Variants in CNIH3 observed in about 807,000 individuals in gnomAD.
CNIH3 encodes the protein cornichon family AMPA receptor auxiliary protein 3, also known as protein cornichon homolog 3.
In CNIH3, 14 loss-of-function variants were observed where a neutral mutation model predicts 24.1. The observed-to-expected ratio is 0.58, with a 90% CI of 0.38 to 0.91. The LOEUF (loss-of-function observed/expected upper bound fraction) is 0.91, where lower values mean the gene tolerates loss of function less well. Among genes scored for constraint, CNIH3 ranks in the 40% least tolerant of loss-of-function variants. The pLI, the probability that CNIH3 is intolerant of heterozygous loss-of-function variation, is 0.00. For synonymous variants in CNIH3, 68 were observed against 73.8 expected (o/e 0.92, Z 0.40); for missense variants, 178 against 196.8 (o/e 0.90, Z 0.57).
At chr1:224,629,514 T>C (rs1251250238) in intron 1 of CNIH3, among the ~76,000 whole-genome samples, 2 of 152,096 alleles carry the variant, frequency 1.3e-5, no homozygotes, top group African/African-American at 4.8e-5. Flanking sequence ...TTCCGTTGTA[T>C]GGATAGACTG....
intron 1 of CNIH3, among the ~76,000 whole-genome samples, chr1:224,652,875 A>T (rs1375754454): frequency 1.3e-5 from 2 of 152,130 alleles, no homozygotes; most frequent in Non-Finnish European, 2.9e-5. Context: ...GCCTAAGCCC[A>T]CATGTGAGGG....
chr1:224,613,031 C>T (rs565600202), upstream of CNIH3, among the ~76,000 whole-genome samples: 432 of 152,280 alleles, frequency 2.8e-3, 1 homozygote, highest in Non-Finnish European at 5.1e-3. Context: ...CAGGCTCTCG[C>T]TTTGTCACCC....
chr1:224,447,142 G>T (rs1675200176), intron 1 of CNIH3, among the ~76,000 whole-genome samples: 1 of 152,194 alleles, frequency 6.6e-6, no homozygotes, highest in Non-Finnish European at 1.5e-5. Flanking sequence ...TCTGGAGGCT[G>T]AGAAGCCCCT....
intron 4 of CNIH3, among the ~76,000 whole-genome samples, chr1:224,576,614 A>C (rs1681047882): frequency 6.6e-6 from 1 of 152,226 alleles, no homozygotes; most frequent in South Asian, 2.1e-4. Flanking sequence ...CTTATGACCT[A>C]TGTAAATGCT....
chr1:224,556,496 A>G (rs886642358), intron 3 of CNIH3, among the ~76,000 whole-genome samples: 17 of 152,186 alleles, frequency 1.1e-4, no homozygotes, highest in African/African-American at 4.1e-4. Context: ...TGGACCCTCT[A>G]GGCCAGCAAT....
intron 3 of CNIH3, among the ~76,000 whole-genome samples, chr1:224,720,187 T>G (rs1327663758): frequency 1.3e-5 from 2 of 152,226 alleles, no homozygotes; most frequent in Non-Finnish European, 2.9e-5. Context: ...GGGCAAAATT[T>G]TTCCAAGCTG....
intron 2 of CNIH3, among the ~76,000 whole-genome samples, chr1:224,522,076 A>G (rs1447599218): frequency 1.3e-5 from 2 of 152,214 alleles, no homozygotes; most frequent in African/African-American, 4.8e-5. Context: ...TAGGACTCAC[A>G]GCATGTGCCA....
At chr1:224,592,347 C>T (rs1054773618), downstream of CNIH3, among the ~76,000 whole-genome samples, 4 of 151,736 alleles carry the variant, frequency 2.6e-5, no homozygotes, top group African/African-American at 9.7e-5. Context: ...AGAGAGGGCA[C>T]TCTCAGGACA....
intron 1 of CNIH3, among the ~76,000 whole-genome samples, chr1:224,503,201 A>G (rs1677753982): frequency 6.6e-6 from 1 of 152,212 alleles, no homozygotes; most frequent in African/African-American, 2.4e-5. Flanking sequence ...ACTAAATGTC[A>G]TATACAATTT....
At chr1:224,499,663 T>C (rs1477894069) in intron 1 of CNIH3, among the ~76,000 whole-genome samples, 6 of 152,204 alleles carry the variant, frequency 3.9e-5, no homozygotes, top group Admixed American at 3.9e-4. Context: ...TTCAATTTTT[T>C]ATAACTCTCT....
chr1:224,699,016 C>T (rs911019476), intron 3 of CNIH3, among the ~76,000 whole-genome samples: 9 of 152,326 alleles, frequency 5.9e-5, no homozygotes, highest in African/African-American at 1.7e-4. Context: ...TCTGGATTCA[C>T]ACCCAAATCC....
chr1:224,534,647 G>GA lies in CNIH3; in HGVS notation n.344-2283dup, dbSNP rs575563773. Among the ~76,000 whole-genome samples the GA allele has an allele frequency of 7.2e-5, 11 of 152,272 alleles. No individual in the cohort carries two copies. In the South Asian group the frequency reaches 2.1e-3, roughly 29 times the overall value. Reference sequence around the variant, plus strand: ...TAATGGACTCAGCAGAGAAAACATGGAAAAAATCAGTGGTGAGACTAGCAT... The same window carrying GA: ...TAATGGACTCAGCAGAGAAAACATGGAAAAAAATCAGTGGTGAGACTAGCAT... On this transcript the variant is annotated intron_variant and non_coding_transcript_variant, in intron 2 of 2. Coordinates refer to the CNIH3 transcript ENST00000470602.
At chr1:224,513,896 G>T (rs1678272673), upstream of CNIH3, 1 of 152,222 alleles carries the variant, frequency 6.6e-6, no homozygotes, top group South Asian at 2.1e-4. Flanking sequence ...GCCAGCAGGG[G>T]GCACCAAACC....
At chr1:224,614,405 G>A (rs1476267538), upstream of CNIH3, among the ~76,000 whole-genome samples, 3 of 152,188 alleles carry the variant, frequency 2.0e-5, no homozygotes, top group Non-Finnish European at 2.9e-5. Context: ...CAGGCACTGT[G>A]GTGCACACCT....
chr1:224,449,824 T>C (rs1226002009), intron 1 of CNIH3, among the ~76,000 whole-genome samples: 1 of 152,082 alleles, frequency 6.6e-6, no homozygotes, highest in Non-Finnish European at 1.5e-5. Flanking sequence ...GGAGGCCCAG[T>C]CTCCCTCAAG....
At chr1:224,483,577 A>G (rs77221596) in intron 1 of CNIH3, among the ~76,000 whole-genome samples, 11 of 148,958 alleles carry the variant, frequency 7.4e-5, no homozygotes, top group Non-Finnish European at 1.5e-4. Context: ...TTTTTTTTTT[A>G]GTAGAGACGA....
At chr1:224,643,369 A>G (rs995657978) in intron 1 of CNIH3, among the ~76,000 whole-genome samples, 1 of 152,228 alleles carries the variant, frequency 6.6e-6, no homozygotes, top group African/African-American at 2.4e-5. Context: ...TCACATCTAC[A>G]TGAGGCTCAT....
At chr1:224,670,749 C>T (rs1685825193) in intron 1 of CNIH3, among the ~76,000 whole-genome samples, 1 of 152,228 alleles carries the variant, frequency 6.6e-6, no homozygotes, top group Non-Finnish European at 1.5e-5. Context: ...GGTCATCACT[C>T]TGCCATTTTC....
At chr1:224,614,882 G>A (rs1442911313), upstream of CNIH3, among the ~76,000 whole-genome samples, 2 of 152,030 alleles carry the variant, frequency 1.3e-5, no homozygotes, top group Non-Finnish European at 2.9e-5. Flanking sequence ...GGGAGGTGGA[G>A]GTTGCAGAGA....
Sources: gnomAD v4.1 joint callset for allele counts (sites outside exome capture counted in the v4.1 genomes callset) on GRCh38, gnomAD v4.1.1 for gene constraint, MANE v1.5 for transcripts, NCBI Gene and HGNC (gene_info 2026-07-23, HGNC 2026-07-21) for gene names.